The following VWA8 variants were observed in gnomAD, a reference collection of about 807,000 sequenced individuals.
VWA8 encodes von Willebrand factor A domain-containing protein 8.
In VWA8, 221 loss-of-function variants were observed where a neutral mutation model predicts 241.5. The ratio of observed to expected loss-of-function variants is 0.91; its 90% CI spans 0.82 to 1.02. The LOEUF (loss-of-function observed/expected upper bound fraction) is 1.02, where lower values mean the gene tolerates loss of function less well. VWA8 is among the 50% of genes least tolerant of loss of function. The pLI is 0.00. For synonymous variants in VWA8, 852 were observed against 827.1 expected, an observed-to-expected ratio of 1.03 and a Z score of -0.52; for missense variants, 2,322 against 2,328.7, an observed-to-expected ratio of 1.00 and a Z score of 0.06.
At chr13:41,917,224 T>C (rs1022006833) in intron 2 of VWA8, among the ~76,000 whole-genome samples, 21 of 152,266 alleles carry the variant, frequency 1.4e-4, no homozygotes, top group African/African-American at 4.3e-4. Flanking sequence ...AAATTAAGCA[T>C]AGGTCAGATT....
At chr13:41,916,983 T>C (rs1216801826) in intron 2 of VWA8, among the ~76,000 whole-genome samples, 1 of 152,212 alleles carries the variant, frequency 6.6e-6, no homozygotes, top group East Asian at 1.9e-4. Flanking sequence ...AGCTTGATCC[T>C]ATATTCTAAG....
chr13:41,673,249 A>G (rs1218946327), intron 36 of VWA8, among the ~76,000 whole-genome samples: 1 of 152,232 alleles, frequency 6.6e-6, no homozygotes, highest in East Asian at 1.9e-4. Flanking sequence ...TGTGAGAGCA[A>G]AAGTGATGTA....
chr13:41,781,757 C>T (rs963544515), intron 19 of VWA8, among the ~76,000 whole-genome samples: 7 of 152,184 alleles, frequency 4.6e-5, no homozygotes, highest in African/African-American at 9.7e-5. Flanking sequence ...CATTCAAAAT[C>T]TTACTCATTC....
intron 12 of VWA8, among the ~76,000 whole-genome samples, chr13:41,855,388 A>T (rs1200081804): frequency 1.4e-5 from 2 of 145,926 alleles, no homozygotes; most frequent in Admixed American, 1.4e-4. Context: ...AAATATATTT[A>T]TATATAAATA....
chr13:41,745,759 G>A (rs2137884442), intron 21 of VWA8, among the ~76,000 whole-genome samples: 1 of 152,210 alleles, frequency 6.6e-6, no homozygotes, highest in African/African-American at 2.4e-5. Flanking sequence ...CACTGTTGGT[G>A]GGAGTGTAAA....
chr13:41,578,887 CT>C (rs1386502681), intron 42 of VWA8, among the ~76,000 whole-genome samples: 3 of 152,144 alleles, frequency 2.0e-5, no homozygotes, highest in Non-Finnish European at 4.4e-5. Flanking sequence ...AATTTAAATA[CT>C]TTTTTGCTTT....
chr13:41,714,425 T>A (rs1009301442), intron 26 of VWA8, among the ~76,000 whole-genome samples: 17 of 151,966 alleles, frequency 1.1e-4, no homozygotes, highest in Admixed American at 2.6e-4. Flanking sequence ...ATAGAATGTG[T>A]GTCTCCTAGA....
At position 41,689,405 on chromosome 13, in the gene VWA8, G is replaced by A. The variant is rs763319881; in HGVS notation, c.4080C>T (p.Leu1360=). The A allele has an allele frequency of 3.8e-5, 62 of 1,612,110 alleles. 1 individual carries two copies. In the South Asian group the frequency reaches 6.7e-4, roughly 17 times the overall value. The change falls in exon 34 of 45, where the codon CTC becomes CTT. Residue 1360 remains leucine (L), a synonymous_variant. Transcript: ENST00000379310. ...TTGTAGCATAATTTTTCTCATCTGA[G>A]AGAATTCTGTTGGGAGAGGCAATCT... The part of the protein sequence containing the change: ...EQKIASPNRI[L]SDEKNYATIV...
chr13:41,739,362 C>T (rs1044516776), intron 21 of VWA8, among the ~76,000 whole-genome samples: 3 of 152,108 alleles, frequency 2.0e-5, no homozygotes, highest in Non-Finnish European at 4.4e-5. Context: ...AGGGGAGTCA[C>T]GCTCTCTAGG....
intron 9 of VWA8, among the ~76,000 whole-genome samples, chr13:41,876,799 A>C (rs9566869): frequency 1.3e-5 from 2 of 151,696 alleles, no homozygotes; most frequent in African/African-American, 4.9e-5. Context: ...TTCTTCTTCA[A>C]ACAGTTGTTC....
At chr13:41,725,762 G>T (rs1383393107) in intron 24 of VWA8, among the ~76,000 whole-genome samples, 1 of 152,098 alleles carries the variant, frequency 6.6e-6, no homozygotes, top group Non-Finnish European at 1.5e-5. Context: ...GGTATAAGGG[G>T]TGACCTACAA....
intron 12 of VWA8, among the ~76,000 whole-genome samples, chr13:41,845,563 A>C (rs1160247746): frequency 6.6e-6 from 1 of 152,022 alleles, no homozygotes; most frequent in East Asian, 1.9e-4. Flanking sequence ...ATGGAAGCAA[A>C]CTAGATGCAC....
chr13:41,878,573 G>A lies in VWA8; in HGVS notation c.1080+4814C>T, dbSNP rs74476967. On this transcript the variant is annotated intron_variant, in intron 9 of 44. Transcript: ENST00000379310. ...AAGCCCTCCCACTTGACAGTTTACT[G>A]AGTTACAACTGTCCATTAACTAGCT... Among the ~76,000 whole-genome samples, 240 of 152,164 alleles carry A rather than the reference G, an allele frequency of 1.6e-3. 5 individuals carry two copies. In the East Asian group the frequency reaches 0.043, roughly 27 times the overall value.
rs2045248650 is a variant in VWA8 at position 41,701,410 on chromosome 13, C to A, written c.3346G>T (p.Asp1116Tyr). ...IPLDEINIIC[D>Y]IATSHENEQN... ...GACATACCATGTGATGTAGCAATGT[C>A]ACAGATTATATTAATTTCATCCAAT... Residue 1116 changes from aspartate (D) to tyrosine (Y), a missense_variant, in exon 28 of 45, where the codon GAC becomes TAC. Physicochemically the swap from Asp to Tyr is radical, Grantham distance 160 (BLOSUM62 -3). Coordinates refer to ENST00000379310, the MANE Select transcript of VWA8 (RefSeq NM_015058.2). The A allele has an allele frequency of 1.2e-6, 2 of 1,605,566 alleles. No individual in the cohort carries two copies. The highest frequency in any genetic ancestry group is 1.3e-5 in the African/African-American group (1 of 74,448).
rs749300296 is a variant in VWA8, at chr13:41,685,212, G to A, written c.4162C>T (p.Pro1388Ser). Residue 1388 changes from proline to serine, a missense_variant, in exon 35 of 45, where the codon CCA (proline) becomes TCA (serine). Pro to Ser is a moderately conservative substitution (Grantham distance 74). Coordinates refer to ENST00000379310, the MANE Select transcript of VWA8 (RefSeq NM_015058.2). ...CCACTTCGTTTATGCAAAGATGATG[G>A]TCTCTTCCAAGAATAAACTTCACTG... Reference protein sequence around the residue: ...SPSEVYSWKRPSSLHKRSGTD... With the variant: ...SPSEVYSWKRSSSLHKRSGTD... 6.2e-7 allele frequency: 1 copy of A among 1,612,792 alleles called. No individual in the cohort carries two copies. The highest frequency in any genetic ancestry group is 2.2e-5 in the East Asian group (1 of 44,848).
At chr13:41,895,562 CTACAAT>C (rs937166888) in intron 4 of VWA8, among the ~76,000 whole-genome samples, 3 of 152,156 alleles carry the variant, frequency 2.0e-5, no homozygotes, top group African/African-American at 7.2e-5. Context: ...CTACAGATAA[CTACAAT>C]TACATTTCCC....
chr13:41,794,100 A>C (rs1410276730), intron 17 of VWA8, among the ~76,000 whole-genome samples: 2 of 151,394 alleles, frequency 1.3e-5, no homozygotes, highest in African/African-American at 4.9e-5. Context: ...TTTTTTCTTA[A>C]GATTGTCTTG....
At chr13:41,731,997 T>C in intron 22 of VWA8, 83 bp downstream of exon 22, 1 of 1,179,590 alleles carries the variant, frequency 8.5e-7, no homozygotes, top group South Asian at 1.3e-5. Context: ...ACGTAATCCA[T>C]GAGAGTTCCA....
At chr13:41,769,791 G>T (rs947574284) in intron 20 of VWA8, among the ~76,000 whole-genome samples, 1 of 152,106 alleles carries the variant, frequency 6.6e-6, no homozygotes, top group Admixed American at 6.5e-5. Context: ...ACCTCAAAAG[G>T]TTGATGTAGA....
Sources: gnomAD v4.1 joint callset for allele counts (sites outside exome capture counted in the v4.1 genomes callset) on GRCh38, gnomAD v4.1.1 for gene constraint, MANE v1.5 for transcripts, NCBI Gene and HGNC (gene_info 2026-07-23, HGNC 2026-07-21) for gene names.